DCAF8L2: variants seen among roughly 807,000 people sequenced by gnomAD.
The protein encoded by DCAF8L2 is DDB1 and CUL4 associated factor 8 like 2.
For missense variants in DCAF8L2, 430 were observed against 490.7 expected, an observed-to-expected ratio of 0.88 and a Z score of 1.17; for synonymous variants, 200 against 190.9, an observed-to-expected ratio of 1.05 and a Z score of -0.39.
chrX:27,542,533 C>CTTTTT, the DCAF8L2 span, among the ~76,000 whole-genome samples: 2 of 33,449 alleles, frequency 6.0e-5, no homozygotes, highest in Non-Finnish European at 4.8e-5. Flanking sequence ...CCTTTGCCTA[C>CTTTTT]TTTTTTTTTT....
At chrX:27,497,549 C>CTTCCTTCTTTCT in the DCAF8L2 span, among the ~76,000 whole-genome samples, 23 of 64,442 alleles carry the variant, frequency 3.6e-4, no homozygotes, top group African/African-American at 1.4e-3. Context: ...TCCTTCCTTC[C>CTTCCTTCTTTCT]TTCTTTCTTT....
chrX:27,613,212 A>C (rs1295913195), intron 1 of DCAF8L2, among the ~76,000 whole-genome samples: 1 of 111,260 alleles, frequency 9.0e-6, no homozygotes, highest in African/African-American at 3.3e-5. Context: ...CTTTGTAGCA[A>C]TTGTGAATGG....
At chrX:27,672,904 C>G (rs5971429) in intron 2 of DCAF8L2, among the ~76,000 whole-genome samples, 1 of 109,986 alleles carries the variant, frequency 9.1e-6, no homozygotes, top group East Asian at 2.9e-4. Flanking sequence ...GTTACGAAGC[C>G]AGCAACTGCT....
At chrX:27,658,378 A>G (rs1321581906) in intron 2 of DCAF8L2, among the ~76,000 whole-genome samples, 4 of 112,230 alleles carry the variant, frequency 3.6e-5, no homozygotes, top group Non-Finnish European at 5.6e-5. Flanking sequence ...GAGAACAGAC[A>G]TGTTTAATTT....
At chrX:27,633,874 C>T in intron 2 of DCAF8L2, 1 of 113,284 alleles carries the variant, frequency 8.8e-6, no homozygotes, top group African/African-American at 3.2e-5. Flanking sequence ...CTACACTTAT[C>T]AATGTTAAAA....
intron 4 of DCAF8L2, among the ~76,000 whole-genome samples, chrX:27,716,927 C>T (rs1219478628): frequency 1.8e-5 from 2 of 111,280 alleles, no homozygotes; most frequent in Non-Finnish European, 3.8e-5. Context: ...TGTTCTCCTC[C>T]CTGTGTCCAC....
the DCAF8L2 span, among the ~76,000 whole-genome samples, chrX:27,567,332 C>T: frequency 9.2e-6 from 1 of 108,138 alleles, no homozygotes; most frequent in African/African-American, 3.4e-5. Flanking sequence ...TTATTAAAGT[C>T]ACCTACTATT....
At chrX:27,585,787 T>G (rs1416973079), upstream of DCAF8L2, among the ~76,000 whole-genome samples, 1 of 111,639 alleles carries the variant, frequency 9.0e-6, no homozygotes, top group Non-Finnish European at 1.9e-5. Context: ...TTTATCACTG[T>G]TTCAATTTAA....
chrX:27,745,970 C>T (rs1159754100), intron 4 of DCAF8L2, among the ~76,000 whole-genome samples: 1 of 111,242 alleles, frequency 9.0e-6, no homozygotes, highest in East Asian at 2.8e-4. Flanking sequence ...TGAATTAACT[C>T]TAAATAAATA....
the DCAF8L2 span, among the ~76,000 whole-genome samples, chrX:27,514,668 CAAAA>C: frequency 7.9e-4 from 2 of 2,528 alleles, no homozygotes; most frequent in East Asian, 0.031. Context: ...GACTCCGTCT[CAAAA>C]AAAAAAAAAA....
chrX:27,677,320 A>G (rs1407578147), intron 2 of DCAF8L2, among the ~76,000 whole-genome samples: 2 of 111,958 alleles, frequency 1.8e-5, no homozygotes, highest in Non-Finnish European at 3.8e-5. Context: ...TGCACTCCTG[A>G]GAATTATTTT....
chrX:27,547,498 G>A, the DCAF8L2 span, among the ~76,000 whole-genome samples: 9 of 112,041 alleles, frequency 8.0e-5, no homozygotes, highest in African/African-American at 2.9e-4. Context: ...AGTTTTAATT[G>A]GCTCACAGTT....
chrX:27,587,882 A>G (rs868582476), upstream of DCAF8L2, among the ~76,000 whole-genome samples: 9 of 108,263 alleles, frequency 8.3e-5, no homozygotes, highest in African/African-American at 3.0e-4. Context: ...TAGGGCCCTC[A>G]GTCGTATAAC....
chrX:27,519,890 A>T, the DCAF8L2 span: 12 of 266,276 alleles, frequency 4.5e-5, no homozygotes, highest in East Asian at 5.4e-4. Flanking sequence ...TATTTTAATT[A>T]TATACTTTTT....
chrX:27,590,231 C>T (rs978403530), upstream of DCAF8L2, among the ~76,000 whole-genome samples: 82 of 111,221 alleles, frequency 7.4e-4, no homozygotes, highest in African/African-American at 2.5e-3. Flanking sequence ...AATATCCTGC[C>T]TCTGGACCAT....
chrX:27,518,910 C>G, the DCAF8L2 span: 1 of 564,202 alleles, frequency 1.8e-6, no homozygotes, highest in African/African-American at 2.3e-5. Flanking sequence ...CATTTAATGA[C>G]AAAAAAATTG....
At chrX:27,740,540 T>C (rs1921788727) in intron 4 of DCAF8L2, among the ~76,000 whole-genome samples, 1 of 111,874 alleles carries the variant, frequency 8.9e-6, no homozygotes, top group Admixed American at 9.5e-5. Flanking sequence ...CAAGGTTCTG[T>C]TTAGTTAGCC....
chrX:27,474,623 G>C, the DCAF8L2 span, among the ~76,000 whole-genome samples: 1 of 111,968 alleles, frequency 8.9e-6, no homozygotes, highest in Non-Finnish European at 1.9e-5. Flanking sequence ...ACTGGTTACT[G>C]GTGACGTTGT....
At position 27,663,864 on chromosome X, in the gene DCAF8L2, A is replaced by ATTT. The variant is rs80069253; in HGVS notation, c.-219-13950_-219-13948dup. Among the ~76,000 whole-genome samples the ATTT allele has an allele frequency of 2.0e-4, 14 of 69,009 alleles. 1 individual carries two copies. Among genetic ancestry groups the ATTT allele is most frequent in the Non-Finnish European group, 8.0e-5 (3 of 37,388 alleles). The allele number at this position is 69,009 out of a possible 115,157, so 59.9% of individuals were successfully genotyped here. A position where few individuals can be genotyped will look rare whatever the true frequency, so the allele number is the denominator to read the frequency against. ...AGGTGTGTGCCACCACACCTGGCTA[A>ATTT]TTTTTTTTTTTTTTTTTTTTTTTTA... On this transcript the variant is annotated intron_variant, in intron 2 of 4. Coordinates refer to ENST00000451261, the MANE Select transcript of DCAF8L2 (RefSeq NM_001353450.2).
Sources: gnomAD v4.1 joint callset for allele counts (sites outside exome capture counted in the v4.1 genomes callset) on GRCh38, gnomAD v4.1.1 for gene constraint, MANE v1.5 for transcripts, NCBI Gene and HGNC (gene_info 2026-07-23, HGNC 2026-07-21) for gene names.